FSTL5: variants seen among roughly 807,000 people sequenced by gnomAD.
FSTL5 encodes follistatin like 5, also known as follistatin-related protein 5.
In FSTL5, 62 loss-of-function variants were observed where a neutral mutation model predicts 89.1. The ratio of observed to expected loss-of-function variants is 0.70; its 90% confidence interval spans 0.57 to 0.86. The LOEUF is 0.86. Among genes scored for constraint, FSTL5 ranks in the 40% least tolerant of loss-of-function variants. FSTL5 has a pLI of 0.00. For missense variants in FSTL5, 1,057 were observed against 1,001.6 expected, an observed-to-expected ratio of 1.06 and a Z score of -0.75; for synonymous variants, 383 against 346.2, an observed-to-expected ratio of 1.11 and a Z score of -1.18.
chr4:161,581,856 A>T (rs1733449446), intron 8 of FSTL5, among the ~76,000 whole-genome samples: 1 of 152,268 alleles, frequency 6.6e-6, no homozygotes, highest in Non-Finnish European at 1.5e-5. Flanking sequence ...AATATGGACA[A>T]GCTTTCTGCC....
chr4:161,950,392 C>T (rs1350437898), intron 3 of FSTL5, among the ~76,000 whole-genome samples: 1 of 152,078 alleles, frequency 6.6e-6, no homozygotes, highest in East Asian at 1.9e-4. Context: ...GCAATTATGC[C>T]TTTGAAGGAC....
chr4:161,850,475 T>C (rs1184460812), intron 4 of FSTL5, among the ~76,000 whole-genome samples: 1 of 151,858 alleles, frequency 6.6e-6, no homozygotes, highest in Non-Finnish European at 1.5e-5. Flanking sequence ...AATACGTGTG[T>C]GCTTGTGCAT....
intron 5 of FSTL5, among the ~76,000 whole-genome samples, chr4:161,765,898 G>A (rs949433113): frequency 2.0e-5 from 3 of 151,446 alleles, no homozygotes; most frequent in Non-Finnish European, 4.4e-5. Flanking sequence ...GGGTTCAAGC[G>A]ATTCTCCTGC....
intron 2 of FSTL5, 144 bp downstream of exon 2, chr4:162,111,127 A>T: frequency 1.6e-6 from 1 of 635,684 alleles, no homozygotes; most frequent in Non-Finnish European, 2.5e-6. Flanking sequence ...TTCATGTATT[A>T]AAATGTGCAT....
At chr4:162,033,947 T>C (rs1737635005) in intron 2 of FSTL5, among the ~76,000 whole-genome samples, 2 of 152,084 alleles carry the variant, frequency 1.3e-5, no homozygotes, top group African/African-American at 4.8e-5. Context: ...TACAGGCACA[T>C]ATCATTATGC....
chr4:161,523,100 C>T (rs1320235163), intron 10 of FSTL5, among the ~76,000 whole-genome samples: 2 of 152,038 alleles, frequency 1.3e-5, no homozygotes, highest in Non-Finnish European at 2.9e-5. Context: ...TTATAAACGT[C>T]TCTAATAGAG....
chr4:161,437,482 G>A (rs1040122807), intron 15 of FSTL5, among the ~76,000 whole-genome samples: 1 of 149,094 alleles, frequency 6.7e-6, no homozygotes, highest in Admixed American at 6.7e-5. Context: ...CAGGAGAATG[G>A]CGTGAAACCG....
intron 8 of FSTL5, among the ~76,000 whole-genome samples, chr4:161,556,161 C>T (rs1732383926): frequency 6.6e-6 from 1 of 151,494 alleles, no homozygotes; most frequent in Admixed American, 6.6e-5. Flanking sequence ...CTTTTTTTAA[C>T]TCACATTTGC....
At chr4:161,678,010 C>T (rs1205351990) in intron 6 of FSTL5, among the ~76,000 whole-genome samples, 1 of 151,406 alleles carries the variant, frequency 6.6e-6, no homozygotes, top group Non-Finnish European at 1.5e-5. Context: ...ATATTAACCC[C>T]TCAAAAGAAG....
chr4:161,826,606 T>C (rs1025473315), intron 4 of FSTL5, among the ~76,000 whole-genome samples: 1 of 152,166 alleles, frequency 6.6e-6, no homozygotes, highest in African/African-American at 2.4e-5. Flanking sequence ...TGTCATTTTG[T>C]TGTTGTTGTT....
intron 15 of FSTL5, among the ~76,000 whole-genome samples, chr4:161,415,758 TATC>T: frequency 6.8e-6 from 1 of 147,546 alleles, no homozygotes; most frequent in East Asian, 2.0e-4. Flanking sequence ...TACACATATA[TATC>T]ATACATATAG....
At position 161,477,341 on chromosome 4, in the gene FSTL5, A is replaced by T. The variant is rs1335207344; in HGVS notation, c.1608+3679T>A. Among the ~76,000 whole-genome samples, 4 of 149,664 alleles carry T rather than the reference A, an allele frequency of 2.7e-5. No individual in the cohort carries two copies. In the Admixed American group the frequency reaches 2.7e-4, roughly 10 times the overall value. On this transcript the variant is annotated intron_variant, in intron 13 of 15. Coordinates refer to ENST00000306100, the MANE Select transcript of FSTL5 (RefSeq NM_020116.5). ...ATTACTGCCTTTTTAAAGTATATATATTTTTTTCCATTTGAGTTTCATTGT... is the reference window on the plus strand; with the variant it reads ...ATTACTGCCTTTTTAAAGTATATATTTTTTTTTCCATTTGAGTTTCATTGT...
intron 4 of FSTL5, among the ~76,000 whole-genome samples, chr4:161,784,615 C>A (rs1193586321): frequency 1.3e-5 from 2 of 151,864 alleles, no homozygotes; most frequent in Non-Finnish European, 2.9e-5. Context: ...TATCCACGGG[C>A]TGGGTGCAGT....
At chr4:162,136,708 T>C (rs1306932883) in intron 1 of FSTL5, among the ~76,000 whole-genome samples, 1 of 152,082 alleles carries the variant, frequency 6.6e-6, no homozygotes, top group African/African-American at 2.4e-5. Flanking sequence ...ATAACTATAT[T>C]ATCCAAAGTG....
chr4:162,091,367 G>T (rs1730542846), intron 2 of FSTL5, among the ~76,000 whole-genome samples: 1 of 152,020 alleles, frequency 6.6e-6, no homozygotes, highest in Non-Finnish European at 1.5e-5. Context: ...ACCTCGGATA[G>T]GCATCTCACT....
intron 2 of FSTL5, among the ~76,000 whole-genome samples, chr4:162,074,844 A>T (rs2111318749): frequency 6.6e-6 from 1 of 151,848 alleles, no homozygotes; most frequent in South Asian, 2.1e-4. Flanking sequence ...CCGAACACTT[A>T]GCCTACTAAA....
chr4:162,118,459 C>T (rs959235662), intron 1 of FSTL5, among the ~76,000 whole-genome samples: 1 of 152,126 alleles, frequency 6.6e-6, no homozygotes, highest in East Asian at 1.9e-4. Context: ...GACGGGGTTT[C>T]GCCATGTTAG....
intron 3 of FSTL5, among the ~76,000 whole-genome samples, chr4:161,927,360 A>AT (rs34065984): frequency 0.11 from 16,192 of 151,572 alleles, 1,476 homozygotes; most frequent in African/African-American, 0.23. Context: ...TGAGAAAGGC[A>AT]TTTTTTGCAA....
chr4:161,386,159 T>C lies in FSTL5; in HGVS notation c.2132A>G (p.Asp711Gly). ...CTGAACCCTTACAAGACCTTTCACA[T>C]CATTAATGCTGACAAGGTAGTGGCC... ...PDGHYLVSINDVKGLVRVQYI... is the reference protein window; with the variant it reads ...PDGHYLVSINGVKGLVRVQYI... Residue 711 changes from aspartate (D) to glycine (G), a missense_variant, in exon 16 of 16, where the codon GAT becomes GGT. By Grantham distance (94) the Asp-to-Gly change is moderately conservative. Around this residue, in one of 3 missense-constraint regions of FSTL5, gnomAD observed 980 missense variants for 903.2 expected, o/e 1.08. Transcript: ENST00000306100. 1 of 1,614,016 alleles carries C rather than the reference T, an allele frequency of 6.2e-7. No individual in the cohort carries two copies. Among genetic ancestry groups the C allele is most frequent in the Non-Finnish European group, 8.5e-7 (1 of 1,179,978 alleles).
Sources: allele counts gnomAD v4.1 joint callset (sites outside exome capture counted in the v4.1 genomes callset), GRCh38; gene constraint gnomAD v4.1.1; regional missense constraint gnomAD v4.1.1; transcripts MANE v1.5; gene names NCBI Gene and HGNC (gene_info 2026-07-23, HGNC 2026-07-21).